The following ACACB variants were observed in gnomAD, a reference collection of about 807,000 sequenced individuals.
The protein encoded by ACACB is acetyl-CoA carboxylase beta.
Under a neutral mutation model 278.8 loss-of-function variants are expected in ACACB, and 209 were observed. The observed-to-expected ratio is 0.75, with a 90% CI of 0.67 to 0.84. The LOEUF (loss-of-function observed/expected upper bound fraction) is 0.84. Ranked by LOEUF, ACACB falls within the 40% of genes least tolerant of loss-of-function variation. ACACB has a pLI of 0.00. For synonymous variants in ACACB, 1,174 were observed against 1,285.6 expected (o/e 0.91, Z 1.86); for missense variants, 2,850 against 3,269.0 (o/e 0.87, Z 3.13).
At chr12:109,192,223 A>G (rs2136285881) in intron 15 of ACACB, among the ~76,000 whole-genome samples, 1 of 152,250 alleles carries the variant, frequency 6.6e-6, no homozygotes, top group African/African-American at 2.4e-5. Flanking sequence ...GGTACATCAT[A>G]ATAGTCAGGA....
chr12:109,251,545 A>G (rs1210813310), intron 41 of ACACB, among the ~76,000 whole-genome samples: 5 of 152,254 alleles, frequency 3.3e-5, no homozygotes, highest in Admixed American at 2.0e-4. Context: ...ACCGTAAGTT[A>G]TAAGATACTA....
chr12:109,233,740 A>AC lies in ACACB; in HGVS notation c.4140-3dup. The stretch of plus-strand genomic sequence containing the variant: ...CCCTCAGCCCTCCCTCTCTACCCGC[A>AC]CCCCCAGAAATTTTGATGAAGTCAT... On this transcript the variant is annotated splice_polypyrimidine_tract_variant and splice_region_variant and intron_variant, in intron 29 of 52. Transcript: ENST00000338432. The AC allele has an allele frequency of 6.2e-7, 1 of 1,612,970 alleles. No homozygotes were observed. Among genetic ancestry groups the AC allele is most frequent in the Non-Finnish European group, 8.5e-7 (1 of 1,179,544 alleles).
intron 34 of ACACB, among the ~76,000 whole-genome samples, chr12:109,238,367 C>T: frequency 7.2e-6 from 1 of 138,898 alleles, no homozygotes; most frequent in African/African-American, 2.7e-5. Flanking sequence ...TTACTAATCC[C>T]CTATTGATGG....
chr12:109,235,641 A>G lies in ACACB; in HGVS notation c.4440A>G (p.Arg1480=). Residue 1480 remains arginine (R), a synonymous_variant, in exon 33 of 53, where the codon AGA becomes AGG. Transcript: ENST00000338432. ...EFPKFFTFRA[R]DEFAEDRIYR... is the part of the protein sequence containing the mutation. ...CCAAGTTTTTCACATTCAGAGCAAG[A>G]GATGAGGTATGGCCAAAAGTAATGA... 1 of 1,612,534 alleles carries G rather than the reference A, an allele frequency of 6.2e-7. No individual in the cohort carries two copies. Among genetic ancestry groups the G allele is most frequent in the Non-Finnish European group, 8.5e-7 (1 of 1,178,776 alleles).
chr12:109,245,506 A>G (rs1287020571), intron 37 of ACACB, 120 bp from the exon 38 acceptor site: 2 of 1,086,714 alleles, frequency 1.8e-6, no homozygotes, highest in Non-Finnish European at 2.5e-6. Context: ...TCATGATTCA[A>G]AAAGAGAGAG....
chr12:109,150,042 G>A (rs1593407388), intron 2 of ACACB, among the ~76,000 whole-genome samples: 1 of 152,200 alleles, frequency 6.6e-6, no homozygotes, highest in African/African-American at 2.4e-5. Context: ...CCCTCACAGG[G>A]TTGGGATCAG....
intron 27 of ACACB, among the ~76,000 whole-genome samples, chr12:109,226,705 A>G (rs2046323314): frequency 6.6e-6 from 1 of 151,376 alleles, no homozygotes; most frequent in Non-Finnish European, 1.5e-5. Context: ...ATCTCAAAAA[A>G]AAAAAAAAAA....
chr12:109,227,529 G>A (rs767438820), intron 28 of ACACB, 40 bp downstream of exon 28: 122 of 1,586,988 alleles, frequency 7.7e-5, no homozygotes, highest in Non-Finnish European at 1.0e-4. Flanking sequence ...CTGTGTTTCT[G>A]TTCTTCCTGA....
At chr12:109,264,456 G>A in intron 50 of ACACB, 70 bp downstream of exon 50, 1 of 1,589,092 alleles carries the variant, frequency 6.3e-7, no homozygotes, top group South Asian at 1.1e-5. Flanking sequence ...AGGACATTTG[G>A]GCTCGGGGGC....
chr12:109,235,464 G>A, intron 32 of ACACB, 95 bp downstream of exon 32: 1 of 1,454,306 alleles, frequency 6.9e-7, no homozygotes, highest in South Asian at 1.1e-5. Context: ...TTGGGTGAAA[G>A]AGATCATTAG....
At chr12:109,264,012 G>A in intron 49 of ACACB, 1 of 547,162 alleles carries the variant, frequency 1.8e-6, no homozygotes, top group Non-Finnish European at 3.2e-6. Context: ...AGATGGGCCT[G>A]GGGTGGGGGC....
intron 1 of ACACB, among the ~76,000 whole-genome samples, chr12:109,134,980 C>T (rs564971440): frequency 8.5e-5 from 13 of 152,312 alleles, no homozygotes; most frequent in African/African-American, 2.9e-4. Flanking sequence ...ACCCATAGTA[C>T]TGCTATGTAT....
chr12:109,229,085 G>T (rs1011664333), intron 28 of ACACB, among the ~76,000 whole-genome samples: 1 of 152,082 alleles, frequency 6.6e-6, no homozygotes, highest in East Asian at 1.9e-4. Flanking sequence ...TGGGACTACA[G>T]GCGCACACCA....
In ACACB at chr12:109,143,462, C is replaced by CAAAA. The variant is rs10696128; in HGVS notation, c.653+3423_653+3426dup. ...TGGGTGACACAGGCAGACCCTGTCT[C>CAAAA]AAAAAAAAAAAAAAAAAAAAAATGA... On this transcript the variant is annotated intron_variant, in intron 2 of 52. Coordinates refer to ENST00000338432, the MANE Select transcript of ACACB (RefSeq NM_001093.4). Among the ~76,000 whole-genome samples, 109 of 103,852 alleles carry CAAAA rather than the reference C, an allele frequency of 1.0e-3. 1 individual carries two copies. Among genetic ancestry groups the CAAAA allele is most frequent in the Middle Eastern group, 5.5e-3 (1 of 182 alleles). The allele number at this position is 103,852 out of a possible 152,430, so 68.1% of individuals were successfully genotyped here.
chr12:109,159,060 G>A (rs1036704073), intron 2 of ACACB, among the ~76,000 whole-genome samples: 2 of 152,220 alleles, frequency 1.3e-5, no homozygotes, highest in African/African-American at 4.8e-5. Context: ...GTGGCCGAGT[G>A]GATTTGACCC....
upstream of ACACB, among the ~76,000 whole-genome samples, chr12:109,111,696 C>T (rs536560729): frequency 2.3e-4 from 35 of 152,040 alleles, no homozygotes; most frequent in Non-Finnish European, 2.9e-5. Flanking sequence ...GCTGGGATTA[C>T]GAGCATGCAC....
intron 1 of ACACB, among the ~76,000 whole-genome samples, chr12:109,135,084 C>A (rs754818712): frequency 1.3e-5 from 2 of 152,072 alleles, no homozygotes; most frequent in Non-Finnish European, 1.5e-5. Context: ...TTTTAAGGAA[C>A]CACCAGACTT....
chr12:109,245,715 G>C lies in ACACB; in HGVS notation c.5268G>C (p.Leu1756=), dbSNP rs1467231956. Residue 1756 remains leucine, a synonymous_variant, in exon 38 of 53, where the codon CTG becomes CTC. Coordinates refer to ENST00000338432, the MANE Select transcript of ACACB (RefSeq NM_001093.4). ...TAGTGTTGGACTCTCAGGGCCAGCT[G>C]GTGGAGATGAACCGACTTCCTGGTG... The part of the protein sequence containing the change: ...TELVLDSQGQ[L]VEMNRLPGGN... The C allele has an allele frequency of 6.2e-7, 1 of 1,614,012 alleles. No individual in the cohort carries two copies. The highest frequency in any genetic ancestry group is 8.5e-7 in the Non-Finnish European group (1 of 1,180,036).
intron 19 of ACACB, among the ~76,000 whole-genome samples, chr12:109,205,496 C>T (rs2136360242): frequency 1.3e-5 from 2 of 151,936 alleles, no homozygotes; most frequent in East Asian, 3.9e-4. Flanking sequence ...ATTACCCAGG[C>T]TGGAGTGCAA....
Sources: allele counts gnomAD v4.1 joint callset (sites outside exome capture counted in the v4.1 genomes callset), GRCh38; gene constraint gnomAD v4.1.1; transcripts MANE v1.5; gene names NCBI Gene and HGNC (gene_info 2026-07-23, HGNC 2026-07-21).